SDHAF3: variants seen among roughly 807,000 people sequenced by gnomAD.
The protein encoded by SDHAF3 is succinate dehydrogenase complex assembly factor 3.
Under a neutral mutation model 11.5 loss-of-function variants are expected in SDHAF3, and 18 were observed. The ratio of observed to expected loss-of-function variants is 1.56; its 90% CI spans 1.08 to 2.32. The LOEUF is 2.32. SDHAF3 is among the 30% of genes most tolerant of loss of function. The pLI, the probability that SDHAF3 is intolerant of heterozygous loss-of-function variation, is 0.00. For synonymous variants in SDHAF3, 72 were observed against 59.3 expected (o/e 1.21, Z -0.99); for missense variants, 200 against 154.4 (o/e 1.30, Z -1.57).
intron 1 of SDHAF3, among the ~76,000 whole-genome samples, chr7:97,164,378 A>G (rs1485147533): frequency 7.1e-6 from 1 of 140,448 alleles, no homozygotes; most frequent in Non-Finnish European, 1.5e-5. Context: ...ATTGGTTCAT[A>G]GTTCTTTTTT....
At chr7:97,127,879 AT>A (rs1172473167) in intron 1 of SDHAF3, among the ~76,000 whole-genome samples, 1 of 145,542 alleles carries the variant, frequency 6.9e-6, no homozygotes, top group Non-Finnish European at 1.5e-5. Flanking sequence ...TGTCACACAT[AT>A]ATGTTTTCTA....
At chr7:97,126,162 T>G (rs538231925) in intron 1 of SDHAF3, among the ~76,000 whole-genome samples, 1 of 152,336 alleles carries the variant, frequency 6.6e-6, no homozygotes, top group African/African-American at 2.4e-5. Flanking sequence ...GCCTGCTCTT[T>G]CCTCTGGAAG....
chr7:97,179,922 G>A (rs1414715691), intron 1 of SDHAF3, among the ~76,000 whole-genome samples: 3 of 152,216 alleles, frequency 2.0e-5, no homozygotes, highest in Admixed American at 2.0e-4. Flanking sequence ...GCAATTACAA[G>A]CAATTTATAT....
chr7:97,118,041 C>T (rs150366972), intron 1 of SDHAF3, 144 bp downstream of exon 1: 1 of 1,017,810 alleles, frequency 9.8e-7, no homozygotes, highest in Non-Finnish European at 1.4e-6. Flanking sequence ...GTAACACTTT[C>T]CAAAGTTTCT....
At chr7:97,165,716 G>C (rs1029491809) in intron 1 of SDHAF3, among the ~76,000 whole-genome samples, 2 of 152,204 alleles carry the variant, frequency 1.3e-5, no homozygotes, top group Non-Finnish European at 2.9e-5. Context: ...AACTGAAGAG[G>C]TTAATATGCA....
rs1462270563 is a variant in SDHAF3 at position 97,172,054 on chromosome 7, TATAAA to T, written c.175-8954_175-8950del. On this transcript the variant is annotated intron_variant, in intron 1 of 1. Transcript: ENST00000432641. ...ATTTAGTTACTTAAATAATATTTATTATAAAATATCAAAACAGTACAGGGTTGAGG... is the reference window on the plus strand; with the variant it reads ...ATTTAGTTACTTAAATAATATTTATTATATCAAAACAGTACAGGGTTGAGG... Among the ~76,000 whole-genome samples, 19 of 152,208 alleles carry T rather than the reference TATAAA, an allele frequency of 1.2e-4. No individual in the cohort carries two copies. In the East Asian group the frequency reaches 3.7e-3, roughly 29 times the overall value.
intron 1 of SDHAF3, among the ~76,000 whole-genome samples, chr7:97,133,298 T>C (rs1194027082): frequency 1.3e-5 from 2 of 152,226 alleles, no homozygotes; most frequent in Non-Finnish European, 2.9e-5. Context: ...AAAGAGCTTT[T>C]GTTTTTAAGA....
chr7:97,137,639 CT>C (rs1788949530), intron 1 of SDHAF3, among the ~76,000 whole-genome samples: 1 of 152,138 alleles, frequency 6.6e-6, no homozygotes, highest in Admixed American at 6.5e-5. Flanking sequence ...TCTTTAAGGA[CT>C]TTATAAGCCT....
chr7:97,136,244 T>C (rs2115652340), intron 1 of SDHAF3: 1 of 439,988 alleles, frequency 2.3e-6, no homozygotes, highest in Non-Finnish European at 4.0e-6. Flanking sequence ...CTGATTTTTT[T>C]TGAAACATAA....
At chr7:97,119,887 A>G (rs189090644) in intron 1 of SDHAF3, among the ~76,000 whole-genome samples, 7 of 152,288 alleles carry the variant, frequency 4.6e-5, no homozygotes, top group Admixed American at 3.3e-4. Context: ...AGAATACCAC[A>G]TGGGCAAAGT....
chr7:97,149,940 A>G (rs1459782166), intron 1 of SDHAF3, among the ~76,000 whole-genome samples: 1 of 152,240 alleles, frequency 6.6e-6, no homozygotes, highest in Non-Finnish European at 1.5e-5. Context: ...CTGCTTTATC[A>G]ATTAAGTTTA....
At chr7:97,136,462 C>A (rs1261985820) in intron 1 of SDHAF3, 2 of 651,976 alleles carry the variant, frequency 3.1e-6, no homozygotes, top group South Asian at 1.7e-5. Flanking sequence ...CGATTTGGTA[C>A]TTTCAGTAAG....
chr7:97,175,845 G>C (rs1789671042), intron 1 of SDHAF3, among the ~76,000 whole-genome samples: 3 of 152,064 alleles, frequency 2.0e-5, no homozygotes, highest in Admixed American at 2.0e-4. Context: ...TTAATTTCCT[G>C]TGTCTGCTGT....
At chr7:97,152,040 A>G (rs933408475) in intron 1 of SDHAF3, among the ~76,000 whole-genome samples, 2 of 152,120 alleles carry the variant, frequency 1.3e-5, no homozygotes, top group Non-Finnish European at 2.9e-5. Context: ...ACTTTCTGTG[A>G]GTTTAGACAA....
intron 1 of SDHAF3, among the ~76,000 whole-genome samples, chr7:97,121,602 A>G (rs1584205813): frequency 1.3e-5 from 2 of 152,210 alleles, no homozygotes; most frequent in Non-Finnish European, 2.9e-5. Flanking sequence ...TGAATAATAA[A>G]TGTATTTTAC....
chr7:97,179,410 T>G (rs991815115), intron 1 of SDHAF3, among the ~76,000 whole-genome samples: 1 of 152,228 alleles, frequency 6.6e-6, no homozygotes, highest in Non-Finnish European at 1.5e-5. Flanking sequence ...TGTTGTGACA[T>G]CTTTATTATC....
Position 97,181,093 on chromosome 7 carries a change from C to A in SDHAF3, c.256C>A (p.Pro86Thr). The change falls in exon 2 of 2, where the codon CCA becomes ACA. Residue 86 changes from proline (P) to threonine (T), a missense_variant. Coordinates refer to ENST00000432641, the MANE Select transcript of SDHAF3 (RefSeq NM_020186.3). ...AAAAGCATGTTTTGGCACCTTCCTC[C>A]CAGAAGAAAAACTTAATGACTTTCG... is the stretch of plus-strand genomic sequence containing the variant. ...TGKACFGTFL[P>T]EEKLNDFRDE... is the part of the protein sequence containing the mutation. 6.2e-7 allele frequency: 1 copy of A among 1,613,892 alleles called. No homozygotes were observed. The highest frequency in any genetic ancestry group is 8.5e-7 in the Non-Finnish European group (1 of 1,179,910).
At position 97,121,842 on chromosome 7, in the gene SDHAF3, T is replaced by G. The variant is rs547892770; in HGVS notation, c.174+3945T>G. The stretch of plus-strand genomic sequence containing the variant: ...TAAGAAACAGTATGAGGTTTTTTGG[T>G]TTTTTTTTTTTGTTTTTTTTTTTTT... On this transcript the variant is annotated intron_variant, in intron 1 of 1. Transcript: ENST00000432641. Among the ~76,000 whole-genome samples, 1,021 of 125,392 alleles carry G rather than the reference T, an allele frequency of 8.1e-3. 6 individuals carry two copies. Among genetic ancestry groups the G allele is most frequent in the Non-Finnish European group, 0.012 (732 of 62,100 alleles). The allele number at this position is 125,392 out of a possible 152,430, so 82.3% of individuals were successfully genotyped here.
At chr7:97,136,532 C>T in intron 1 of SDHAF3, 1 of 564,432 alleles carries the variant, frequency 1.8e-6, no homozygotes, top group Non-Finnish European at 3.2e-6. Context: ...TCAAAATATT[C>T]TTTACAGCCT....
Sources: gnomAD v4.1 joint callset for allele counts (sites outside exome capture counted in the v4.1 genomes callset) on GRCh38, gnomAD v4.1.1 for gene constraint, MANE v1.5 for transcripts, NCBI Gene and HGNC (gene_info 2026-07-23, HGNC 2026-07-21) for gene names.